Variants in LIMCH1 observed in about 807,000 individuals in gnomAD.
LIMCH1 encodes the protein LIM and calponin homology domains 1.
A neutral mutation model predicts 176.5 loss-of-function variants in LIMCH1; 113 were observed. The ratio of observed to expected loss-of-function variants is 0.64; its 90% CI spans 0.55 to 0.75. The LOEUF is 0.75. Ranked by LOEUF, LIMCH1 falls within the 30% of genes least tolerant of loss-of-function variation. The pLI, the probability that LIMCH1 is intolerant of heterozygous loss-of-function variation, is 0.00. For missense variants in LIMCH1, 1,674 were observed against 1,814.9 expected (o/e 0.92, Z 1.41); for synonymous variants, 619 against 645.9 (o/e 0.96, Z 0.63).
intron 1 of LIMCH1, among the ~76,000 whole-genome samples, chr4:41,374,029 C>T (rs1379096975): frequency 1.3e-5 from 2 of 152,176 alleles, no homozygotes; most frequent in Non-Finnish European, 2.9e-5. Flanking sequence ...AGCCATGCTT[C>T]CTGTAGAGCC....
chr4:41,623,452 C>T (rs2092723066), intron 7 of LIMCH1, among the ~76,000 whole-genome samples: 1 of 152,074 alleles, frequency 6.6e-6, no homozygotes. Flanking sequence ...GCTTGTTTCC[C>T]AAGTATTCTT....
At position 41,629,419 on chromosome 4, in the gene LIMCH1, C is replaced by T; in HGVS notation, c.1029-73C>T. On this transcript the variant is annotated intron_variant, in intron 8 of 31. Transcript: ENST00000503057. Reference sequence around the variant, plus strand: ...TCAGCCTGTGAGTTTCCATGCTTGACATTCTCTTTGTCTGCTCCCCTTCCT... The same window carrying T: ...TCAGCCTGTGAGTTTCCATGCTTGATATTCTCTTTGTCTGCTCCCCTTCCT... 2.7e-6 allele frequency: 4 copies of T among 1,487,466 alleles called. No homozygotes were observed. In the South Asian group the frequency reaches 3.9e-5, roughly 14 times the overall value. The allele number at this position is 1,487,466 out of a possible 1,614,324, so 92.1% of individuals were successfully genotyped here. A position where few individuals can be genotyped will look rare whatever the true frequency, so the allele number is the denominator to read the frequency against.
Position 41,407,632 on chromosome 4 carries a change from C to T in LIMCH1, c.96+46696C>T, listed in dbSNP as rs10001496. Among the ~76,000 whole-genome samples, 1,504 of 152,116 alleles carry T rather than the reference C, an allele frequency of 9.9e-3. 30 individuals are homozygous for T. Among genetic ancestry groups the T allele is most frequent in the African/African-American group, 0.033 (1,350 of 41,400 alleles). ...TCACGTGGCCAATCCGTGCCCTCTG[C>T]GGAAGGTGCCAGGCTAAGAAAAATA... On this transcript the variant is annotated intron_variant, in intron 1 of 26. Transcript: ENST00000313860.
At chr4:41,594,825 C>T (rs58152275) in intron 1 of LIMCH1, among the ~76,000 whole-genome samples, 3,345 of 152,246 alleles carry the variant, frequency 0.022, 122 homozygotes, top group African/African-American at 0.077. Flanking sequence ...ATAGGAGGAG[C>T]ACCTTGTTGA....
chr4:41,601,380 C>T (rs2089896612), intron 2 of LIMCH1, among the ~76,000 whole-genome samples: 2 of 152,142 alleles, frequency 1.3e-5, no homozygotes, highest in Non-Finnish European at 2.9e-5. Flanking sequence ...GAAGTGCTGG[C>T]ATTTCAGCTG....
chr4:41,598,850 A>G (rs2089410828), intron 1 of LIMCH1, 70 bp from the exon 2 acceptor site: 8 of 953,664 alleles, frequency 8.4e-6, no homozygotes, highest in South Asian at 6.1e-5. Flanking sequence ...CCCTACAGCA[A>G]CTTGGGAGGG....
chr4:41,689,789 C>T, intron 30 of LIMCH1, 154 bp downstream of exon 30: 1 of 541,428 alleles, frequency 1.8e-6, no homozygotes, highest in East Asian at 2.9e-5. Context: ...ATGAAACTCA[C>T]CTATCACGAA....
chr4:41,614,237 T>A (rs1029129630), intron 5 of LIMCH1, among the ~76,000 whole-genome samples: 3 of 152,234 alleles, frequency 2.0e-5, no homozygotes, highest in Admixed American at 2.0e-4. Flanking sequence ...GCTGCCTGCT[T>A]GTTCTGAAGC....
At chr4:41,648,698 T>TGTGTGTGTCTTC (rs1256665665) in intron 17 of LIMCH1, among the ~76,000 whole-genome samples, 1 of 149,378 alleles carries the variant, frequency 6.7e-6, no homozygotes, top group Non-Finnish European at 1.5e-5. Flanking sequence ...TGTGTGTGTG[T>TGTGTGTGTCTTC]GTCTTCTTGG....
intron 1 of LIMCH1, among the ~76,000 whole-genome samples, chr4:41,448,105 TA>T (rs1466721909): frequency 6.6e-6 from 1 of 152,054 alleles, no homozygotes; most frequent in East Asian, 1.9e-4. Context: ...AGTAACACTT[TA>T]AAAAAATGAA....
chr4:41,662,378 C>T (rs1333755446), intron 19 of LIMCH1, among the ~76,000 whole-genome samples: 2 of 152,096 alleles, frequency 1.3e-5, no homozygotes, highest in East Asian at 3.8e-4. Context: ...GTAACACATT[C>T]CAATTAAGAA....
At chr4:41,482,581 C>T (rs1291478245) in intron 1 of LIMCH1, among the ~76,000 whole-genome samples, 2 of 151,920 alleles carry the variant, frequency 1.3e-5, no homozygotes, top group African/African-American at 2.4e-5. Context: ...TTGGGTTAGA[C>T]AGTATGACAA....
chr4:41,682,149 G>A (rs1208737656), intron 25 of LIMCH1, among the ~76,000 whole-genome samples, 184 bp from the exon 26 acceptor site: 2 of 152,230 alleles, frequency 1.3e-5, no homozygotes, highest in East Asian at 3.8e-4. Context: ...TTTCTAAAGA[G>A]ATTCAGATTA....
intron 1 of LIMCH1, among the ~76,000 whole-genome samples, chr4:41,479,571 C>T (rs2068259142): frequency 6.6e-6 from 1 of 152,224 alleles, no homozygotes; most frequent in Admixed American, 6.5e-5. Context: ...ATAAGGTGAA[C>T]AGTGATGCCC....
chr4:41,577,563 G>A (rs182716609), intron 1 of LIMCH1, among the ~76,000 whole-genome samples: 81 of 152,106 alleles, frequency 5.3e-4, no homozygotes, highest in African/African-American at 1.8e-3. Context: ...CTGAATAACC[G>A]AGACTACAGG....
At chr4:41,421,138 G>C (rs1434282310) in intron 1 of LIMCH1, among the ~76,000 whole-genome samples, 1 of 152,130 alleles carries the variant, frequency 6.6e-6, no homozygotes, top group East Asian at 1.9e-4. Context: ...CACGGGGTTG[G>C]ATCCAGGTTC....
intron 2 of LIMCH1, among the ~76,000 whole-genome samples, chr4:41,517,242 G>T (rs2075672033): frequency 6.6e-6 from 1 of 152,184 alleles, no homozygotes; most frequent in Non-Finnish European, 1.5e-5. Context: ...GCCTGCATGT[G>T]ATAGAATAAC....
chr4:41,637,761 A>G (rs746042346), intron 13 of LIMCH1, among the ~76,000 whole-genome samples: 14 of 152,210 alleles, frequency 9.2e-5, no homozygotes, highest in Non-Finnish European at 1.8e-4. Context: ...TTCTAGAATG[A>G]TAAAAGCATA....
chr4:41,633,262 G>A (rs1490174306), intron 12 of LIMCH1, among the ~76,000 whole-genome samples, 177 bp downstream of exon 12: 11 of 152,104 alleles, frequency 7.2e-5, no homozygotes, highest in Non-Finnish European at 1.2e-4. Flanking sequence ...TCTGGTGCCC[G>A]CTCTGGGTAG....
Sources: allele counts gnomAD v4.1 joint callset (sites outside exome capture counted in the v4.1 genomes callset), GRCh38; gene constraint gnomAD v4.1.1; transcripts MANE v1.5; gene names NCBI Gene and HGNC (gene_info 2026-07-23, HGNC 2026-07-21).